PLXDC2: variants seen among roughly 807,000 people sequenced by gnomAD.
PLXDC2 encodes the protein plexin domain-containing protein 2.
A neutral mutation model predicts 68.9 loss-of-function variants in PLXDC2; 40 were observed. That is an observed-to-expected ratio of 0.58 (90% CI 0.45 to 0.76). The LOEUF (loss-of-function observed/expected upper bound fraction) is 0.76, where lower values mean the gene tolerates loss of function less well. Among genes scored for constraint, PLXDC2 ranks in the 30% least tolerant of loss-of-function variants. PLXDC2 has a pLI of 0.00. For synonymous variants in PLXDC2, 243 were observed against 234.2 expected (o/e 1.04, Z -0.34); for missense variants, 644 against 661.9 (o/e 0.97, Z 0.30).
intron 4 of PLXDC2, among the ~76,000 whole-genome samples, chr10:20,105,994 T>C (rs1833486498): frequency 6.6e-6 from 1 of 152,236 alleles, no homozygotes; most frequent in South Asian, 2.1e-4. Context: ...ATTCCACATG[T>C]ATAATTCCAG....
intron 1 of PLXDC2, among the ~76,000 whole-genome samples, chr10:19,890,930 T>C (rs1589522251): frequency 6.6e-6 from 1 of 152,172 alleles, no homozygotes; most frequent in South Asian, 2.1e-4. Context: ...CACTTGAAAC[T>C]ATTCAGCTCC....
At chr10:19,960,147 T>G (rs1386255386) in intron 1 of PLXDC2, among the ~76,000 whole-genome samples, 2 of 134,184 alleles carry the variant, frequency 1.5e-5, no homozygotes, top group African/African-American at 5.8e-5. Flanking sequence ...TGCTTGAGCC[T>G]CAAAGTTTGA....
chr10:20,001,354 C>T (rs1834934249), intron 1 of PLXDC2, among the ~76,000 whole-genome samples: 1 of 152,136 alleles, frequency 6.6e-6, no homozygotes, highest in Admixed American at 6.5e-5. Flanking sequence ...TATAAGCTTA[C>T]AAATTAATGA....
intron 2 of PLXDC2, among the ~76,000 whole-genome samples, chr10:20,022,015 C>T (rs1158221642): frequency 1.3e-5 from 2 of 152,182 alleles, no homozygotes; most frequent in East Asian, 1.9e-4. Context: ...ATTTTGTAGA[C>T]ATCTGCTTAA....
chr10:20,233,833 T>C (rs1835396436), intron 12 of PLXDC2, among the ~76,000 whole-genome samples: 1 of 152,142 alleles, frequency 6.6e-6, no homozygotes, highest in African/African-American at 2.4e-5. Flanking sequence ...TTATTTTTTT[T>C]AGAGGCAGGC....
chr10:20,165,519 A>G (rs1374328990), intron 7 of PLXDC2, among the ~76,000 whole-genome samples: 1 of 151,980 alleles, frequency 6.6e-6, no homozygotes, highest in Non-Finnish European at 1.5e-5. Context: ...ATGAGTGAGA[A>G]TATGCGGTGT....
intron 1 of PLXDC2, among the ~76,000 whole-genome samples, chr10:19,838,257 C>T (rs970888026): frequency 6.6e-6 from 1 of 152,100 alleles, no homozygotes; most frequent in African/African-American, 2.4e-5. Context: ...ACCACCATGC[C>T]CGGCTAATAT....
intron 1 of PLXDC2, among the ~76,000 whole-genome samples, chr10:19,866,811 A>T (rs1293955032): frequency 6.6e-6 from 1 of 152,198 alleles, no homozygotes; most frequent in Non-Finnish European, 1.5e-5. Context: ...TTGTACATCA[A>T]TACATGGAGG....
At chr10:20,162,066 GAGA>G (rs1564337967) in intron 6 of PLXDC2, among the ~76,000 whole-genome samples, 2,494 of 56,498 alleles carry the variant, frequency 0.044, 35 homozygotes, top group East Asian at 0.14. Context: ...GAGAGAGAGA[GAGA>G]GAGAAGGAAG....
chr10:20,142,033 A>G (rs1013937269), intron 4 of PLXDC2, among the ~76,000 whole-genome samples: 1 of 152,086 alleles, frequency 6.6e-6, no homozygotes, highest in Non-Finnish European at 1.5e-5. Context: ...GAAAGAAGAT[A>G]TTGCCAAAAA....
intron 1 of PLXDC2, among the ~76,000 whole-genome samples, chr10:19,827,796 T>C (rs148230425): frequency 0.01 from 1,584 of 152,280 alleles, 25 homozygotes; most frequent in African/African-American, 0.037. Flanking sequence ...TGACCTCAAG[T>C]GATCCACCCA....
At chr10:20,181,256 A>G (rs1439755217) in intron 9 of PLXDC2, among the ~76,000 whole-genome samples, 1 of 152,048 alleles carries the variant, frequency 6.6e-6, no homozygotes, top group African/African-American at 2.4e-5. Flanking sequence ...CTTTGCACTT[A>G]AAGTATTCAT....
intron 3 of PLXDC2, among the ~76,000 whole-genome samples, chr10:20,060,373 C>T (rs576582799): frequency 8.0e-5 from 12 of 150,398 alleles, no homozygotes; most frequent in South Asian, 2.1e-4. Context: ...GAATAAAGCA[C>T]GAAATGACCA....
Position 19,927,714 on chromosome 10 carries a change from A to T in PLXDC2, c.113-74061A>T, listed in dbSNP as rs71497295. Among the ~76,000 whole-genome samples, 8 of 17,264 alleles carry T rather than the reference A, an allele frequency of 4.6e-4. No individual in the cohort carries two copies. The South Asian group carries it at 0.018, about 39-fold the overall frequency. 11.3% of individuals were successfully genotyped at this position (17,264 alleles called of 152,430 possible). A position where few individuals can be genotyped will look rare whatever the true frequency, so the allele number is the denominator to read the frequency against. ...AGACTCCATCTCAAGGAAAAAAAGC[A>T]AAAAAAAAAAAAAAAAAAAAAAAAG... On this transcript the variant is annotated intron_variant, in intron 1 of 13. Coordinates refer to ENST00000377252, the MANE Select transcript of PLXDC2 (RefSeq NM_032812.9).
chr10:19,846,745 A>G (rs1837016379), intron 1 of PLXDC2, among the ~76,000 whole-genome samples: 1 of 152,192 alleles, frequency 6.6e-6, no homozygotes, highest in South Asian at 2.1e-4. Flanking sequence ...CAAGTCACAT[A>G]GTTGATCTGG....
intron 2 of PLXDC2, among the ~76,000 whole-genome samples, chr10:20,036,561 C>T (rs1315674507): frequency 1.3e-5 from 2 of 152,116 alleles, no homozygotes; most frequent in African/African-American, 4.8e-5. Context: ...ACAGAAATTT[C>T]CATCTTTTAC....
chr10:20,265,601 C>G (rs1020644486), intron 13 of PLXDC2, among the ~76,000 whole-genome samples: 1 of 152,088 alleles, frequency 6.6e-6, no homozygotes, highest in Non-Finnish European at 1.5e-5. Context: ...TACTACATAT[C>G]ATTTAGTATT....
chr10:19,885,340 A>G (rs568733648), intron 1 of PLXDC2, among the ~76,000 whole-genome samples: 23,718 of 149,984 alleles, frequency 0.16, 2,137 homozygotes, highest in South Asian at 0.26. Context: ...TTTGCTGTGC[A>G]GAAGCTCTTT....
chr10:19,865,773 T>C (rs2131338626), intron 1 of PLXDC2, among the ~76,000 whole-genome samples: 2 of 152,326 alleles, frequency 1.3e-5, no homozygotes, highest in African/African-American at 4.8e-5. Flanking sequence ...AAGTTGGTTT[T>C]CACAGTTGTG....
Sources: gnomAD v4.1 joint callset for allele counts (sites outside exome capture counted in the v4.1 genomes callset) on GRCh38, gnomAD v4.1.1 for gene constraint, MANE v1.5 for transcripts, NCBI Gene and HGNC (gene_info 2026-07-23, HGNC 2026-07-21) for gene names.